Variants in PRSS12 observed in about 807,000 individuals in gnomAD.
PRSS12 encodes the protein neurotrypsin.
A neutral mutation model predicts 104.4 loss-of-function variants in PRSS12; 85 were observed. The observed-to-expected ratio is 0.81, with a 90% confidence interval of 0.68 to 0.98. The LOEUF (loss-of-function observed/expected upper bound fraction) is 0.98. Ranked by LOEUF, PRSS12 falls within the 50% of genes least tolerant of loss-of-function variation. PRSS12 has a pLI of 0.00. For synonymous variants in PRSS12, 454 were observed against 425.2 expected, an observed-to-expected ratio of 1.07 and a Z score of -0.83; for missense variants, 1,141 against 1,139.2, an observed-to-expected ratio of 1.00 and a Z score of -0.02.
intron 4 of PRSS12, among the ~76,000 whole-genome samples, chr4:118,320,376 T>G (rs1046941733): frequency 1.3e-5 from 2 of 152,206 alleles, no homozygotes; most frequent in Admixed American, 1.3e-4. Context: ...TGATTCACTA[T>G]TTCTACTAGA....
Position 118,352,824 on chromosome 4 carries a change from C to A in PRSS12, c.-104G>T. ...GGGCTGCCGCGTCCCTCGAATCCCC[C>A]AGCCCCCTCCCGCCCCCGCACGCGG... is the stretch of plus-strand genomic sequence containing the variant. On this transcript the variant is annotated 5_prime_UTR_variant, in exon 1 of 13. Transcript: ENST00000296498. 2 of 1,517,682 alleles carry A rather than the reference C, an allele frequency of 1.3e-6. No individual in the cohort carries two copies. Among genetic ancestry groups the A allele is most frequent in the South Asian group, 1.2e-5 (1 of 80,958 alleles). The allele number at this position is 1,517,682 out of a possible 1,614,324, so 94.0% of individuals were successfully genotyped here.
intron 1 of PRSS12, among the ~76,000 whole-genome samples, chr4:118,351,738 T>C (rs946003013): frequency 6.6e-6 from 1 of 152,192 alleles, no homozygotes; most frequent in African/African-American, 2.4e-5. Flanking sequence ...AGGCAAAATT[T>C]TACCACATTT....
Position 118,318,557 on chromosome 4 carries a change from C to G in PRSS12, c.972-1G>C. ...CTGATGCCATGCTTTGGCAATGCCA[C>G]TGAACAAATAAAAGAATGTAAGGAT... is the stretch of plus-strand genomic sequence containing the variant. On this transcript the variant is annotated splice_acceptor_variant, in intron 4 of 12. Transcript: ENST00000296498. LOFTEE classifies it high-confidence loss of function. The G allele has an allele frequency of 1.9e-6, 3 of 1,613,656 alleles. No homozygotes were observed. Among genetic ancestry groups the G allele is most frequent in the Non-Finnish European group, 2.5e-6 (3 of 1,179,804 alleles).
intron 4 of PRSS12, among the ~76,000 whole-genome samples, chr4:118,319,842 A>T (rs1215410981): frequency 6.6e-6 from 1 of 151,708 alleles, no homozygotes; most frequent in Non-Finnish European, 1.5e-5. Flanking sequence ...CGTGCCAGTG[A>T]ATGTTTTATT....
At chr4:118,323,434 T>G (rs1210206416) in intron 4 of PRSS12, among the ~76,000 whole-genome samples, 1 of 140,132 alleles carries the variant, frequency 7.1e-6, no homozygotes, top group Non-Finnish European at 1.5e-5. Flanking sequence ...AAAGATGAAA[T>G]CCAGATGGCT....
intron 8 of PRSS12, among the ~76,000 whole-genome samples, chr4:118,303,079 A>C (rs1010991231): frequency 2.6e-5 from 4 of 152,126 alleles, no homozygotes; most frequent in Non-Finnish European, 4.4e-5. Flanking sequence ...TTTTTCAGGA[A>C]GGGGAAGTTA....
At chr4:118,328,550 AT>A (rs1388198216) in intron 4 of PRSS12, among the ~76,000 whole-genome samples, 4 of 152,154 alleles carry the variant, frequency 2.6e-5, no homozygotes, top group Admixed American at 1.3e-4. Context: ...AGTGAAAAAA[AT>A]ATTTGTCTCA....
Position 118,282,825 on chromosome 4 carries a change from C to G in PRSS12, c.2320+6G>C, listed in dbSNP as rs369283461. 1.4e-4 allele frequency: 218 copies of G among 1,613,878 alleles called. No homozygotes were observed. The highest frequency in any genetic ancestry group is 1.7e-4 in the Admixed American group (10 of 60,000). On this transcript the variant is annotated splice_donor_region_variant and intron_variant, in intron 12 of 12. Transcript: ENST00000296498. ...AGGTGCCCTGCTTTTTTTGATTATG[C>G]CTTACCTGTGTCACCCCATCCTGTT...
intron 8 of PRSS12, among the ~76,000 whole-genome samples, chr4:118,299,843 A>G (rs1388836985): frequency 3.4e-5 from 5 of 145,210 alleles, no homozygotes; most frequent in Non-Finnish European, 7.6e-5. Flanking sequence ...AAAATAAAAT[A>G]AATTAGCTGG....
chr4:118,316,389 G>A (rs954598039), intron 5 of PRSS12, 66 bp from the exon 6 acceptor site: 7 of 1,593,110 alleles, frequency 4.4e-6, no homozygotes, highest in Middle Eastern at 1.7e-4. Context: ...AACAACATTT[G>A]TATTTCACAA....
chr4:118,322,564 A>ACTGGTTCTATTTCCAATCCCT (rs1560778331), intron 4 of PRSS12, among the ~76,000 whole-genome samples: 1 of 149,662 alleles, frequency 6.7e-6, no homozygotes, highest in Non-Finnish European at 1.5e-5. Flanking sequence ...AAAAAAAAAA[A>ACTGGTTCTATTTCCAATCCCT]ATTACAATAA....
chr4:118,338,413 A>C (rs566634812), intron 1 of PRSS12, 99 bp from the exon 2 acceptor site: 1 of 1,450,886 alleles, frequency 6.9e-7, no homozygotes, highest in African/African-American at 1.4e-5. Context: ...CTTAAGTAGT[A>C]AGGGATCCAG....
intron 8 of PRSS12, among the ~76,000 whole-genome samples, chr4:118,302,292 T>C (rs930934387): frequency 6.6e-6 from 1 of 152,242 alleles, no homozygotes; most frequent in East Asian, 1.9e-4. Context: ...AATAACTTTG[T>C]ATGTAGATTC....
At chr4:118,305,921 G>GTATA (rs141310765) in intron 8 of PRSS12, 3 of 151,628 alleles carry the variant, frequency 2.0e-5, no homozygotes, top group Non-Finnish European at 4.4e-5. Context: ...TTCAGTAACT[G>GTATA]TATATATATA....
intron 4 of PRSS12, among the ~76,000 whole-genome samples, chr4:118,325,349 G>C (rs1723744968): frequency 6.6e-6 from 1 of 150,534 alleles, no homozygotes; most frequent in African/African-American, 2.4e-5. Context: ...ACACTACCTG[G>C]GTGTTTTATT....
intron 4 of PRSS12, among the ~76,000 whole-genome samples, chr4:118,327,777 T>G (rs2126039159): frequency 6.6e-6 from 1 of 152,336 alleles, no homozygotes; most frequent in Non-Finnish European, 1.5e-5. Flanking sequence ...TATCTAATTT[T>G]CTAACATCTG....
intron 11 of PRSS12, among the ~76,000 whole-genome samples, chr4:118,285,774 T>C (rs1226263231): frequency 6.6e-6 from 1 of 152,208 alleles, no homozygotes; most frequent in Non-Finnish European, 1.5e-5. Flanking sequence ...ATGTTAAATA[T>C]ATTATTTAAA....
At chr4:118,295,274 A>G (rs1743229671) in intron 10 of PRSS12, among the ~76,000 whole-genome samples, 1 of 152,236 alleles carries the variant, frequency 6.6e-6, no homozygotes, top group Non-Finnish European at 1.5e-5. Context: ...AGATTTGCTT[A>G]TAGGCATTTG....
intron 9 of PRSS12, among the ~76,000 whole-genome samples, chr4:118,297,038 T>C (rs1442452743): frequency 6.6e-6 from 1 of 152,164 alleles, no homozygotes; most frequent in Non-Finnish European, 1.5e-5. Flanking sequence ...CTATTTAAAG[T>C]CATACACTAT....
Sources: allele counts gnomAD v4.1 joint callset (sites outside exome capture counted in the v4.1 genomes callset), GRCh38; gene constraint gnomAD v4.1.1; transcripts MANE v1.5; gene names NCBI Gene and HGNC (gene_info 2026-07-23, HGNC 2026-07-21).